The following UGP2 variants were observed in gnomAD, a reference collection of about 807,000 sequenced individuals.
The protein encoded by UGP2 is UTP--glucose-1-phosphate uridylyltransferase.
UGP2 carries 40 observed loss-of-function variants against 49.0 expected under a neutral mutation model. That is an observed-to-expected ratio of 0.82 (90% CI 0.63 to 1.06). UGP2 has a LOEUF of 1.06. Ranked by LOEUF, UGP2 falls within the 50% of genes least tolerant of loss-of-function variation. The pLI is 0.00. For missense variants in UGP2, 460 were observed against 603.5 expected (o/e 0.76, Z 2.49); for synonymous variants, 225 against 213.0 (o/e 1.06, Z -0.49).
chr2:63,890,408 G>A (rs920912398), intron 9 of UGP2, among the ~76,000 whole-genome samples: 3 of 152,098 alleles, frequency 2.0e-5, no homozygotes, highest in Non-Finnish European at 2.9e-5. Flanking sequence ...ATGACAATTT[G>A]TACTGAATAT....
intron 1 of UGP2, among the ~76,000 whole-genome samples, chr2:63,852,049 T>C (rs1453255242): frequency 6.6e-6 from 1 of 152,224 alleles, no homozygotes; most frequent in Non-Finnish European, 1.5e-5. Flanking sequence ...TATGGCTTAC[T>C]GGCCAGAATC....
chr2:63,880,244 G>GCTTACTTGAGC (rs1362067284), intron 3 of UGP2, among the ~76,000 whole-genome samples: 3 of 137,794 alleles, frequency 2.2e-5, no homozygotes, highest in African/African-American at 8.1e-5. Flanking sequence ...CATGATCACA[G>GCTTACTTGAGC]CTTACTTGAG....
At chr2:63,841,449 G>C (rs1575789375), upstream of UGP2, among the ~76,000 whole-genome samples, 1 of 152,140 alleles carries the variant, frequency 6.6e-6, no homozygotes, top group African/African-American at 2.4e-5. Flanking sequence ...CCTCTAGCCG[G>C]TGACCCCTTA....
intron 3 of UGP2, among the ~76,000 whole-genome samples, chr2:63,863,633 G>A (rs1210784180): frequency 1.3e-5 from 2 of 152,124 alleles, no homozygotes; most frequent in African/African-American, 4.8e-5. Flanking sequence ...AGAATAGTTT[G>A]ATTTACAAAA....
Position 63,841,933 on chromosome 2 carries a change from C to G in UGP2, c.-253C>G, listed in dbSNP as rs1671574869. The G allele has an allele frequency of 2.3e-6, 1 of 440,304 alleles. No homozygotes were observed. Among genetic ancestry groups the G allele is most frequent in the African/African-American group, 2.0e-5 (1 of 49,474 alleles). The allele number at this position is 440,304 out of a possible 1,614,324, so 27.3% of individuals were successfully genotyped here. ...CTGGCCCTCATTTGTGTCCGGAGCT[C>G]AGGAGTTCCCAAACCGACTCAGTCG... On this transcript the variant is annotated 5_prime_UTR_variant, in exon 1 of 10. Coordinates refer to ENST00000337130, the MANE Select transcript of UGP2 (RefSeq NM_006759.4).
intron 3 of UGP2, among the ~76,000 whole-genome samples, chr2:63,879,465 A>G (rs1671145914): frequency 6.6e-6 from 1 of 152,232 alleles, no homozygotes; most frequent in South Asian, 2.1e-4. Flanking sequence ...TCTATTTGAA[A>G]TAGAATATTC....
intron 3 of UGP2, among the ~76,000 whole-genome samples, chr2:63,860,172 A>C (rs1669737645): frequency 6.6e-6 from 1 of 152,234 alleles, no homozygotes; most frequent in African/African-American, 2.4e-5. Context: ...ATTCCTAAGT[A>C]AAAAGAAATT....
intron 8 of UGP2, chr2:63,889,602 T>C (rs1015711556): frequency 6.5e-6 from 1 of 152,964 alleles, no homozygotes; most frequent in Non-Finnish European, 1.5e-5. Flanking sequence ...CAATCTCTAG[T>C]GCTTGTAAAT....
Position 63,857,328 on chromosome 2 carries a change from G to A in UGP2, c.148-501G>A, listed in dbSNP as rs76150094. On this transcript the variant is annotated intron_variant, in intron 2 of 9. Coordinates refer to ENST00000337130, the MANE Select transcript of UGP2 (RefSeq NM_006759.4). ...AAAAAAAAAAAAAAGTACAGAGCCA[G>A]TTGGAATTCCCATTAAACAAATGGT... Among the ~76,000 whole-genome samples, 51 of 151,648 alleles carry A rather than the reference G, an allele frequency of 3.4e-4. No homozygotes were observed. The East Asian group carries it at 9.3e-3, about 28-fold the overall frequency.
intron 3 of UGP2, among the ~76,000 whole-genome samples, chr2:63,865,323 C>G (rs1337499126): frequency 6.6e-6 from 1 of 152,148 alleles, no homozygotes; most frequent in African/African-American, 2.4e-5. Context: ...GCCCAGCTGC[C>G]TAGAGGGCTG....
At chr2:63,862,879 A>G in intron 3 of UGP2, 1 of 456,386 alleles carries the variant, frequency 2.2e-6, no homozygotes, top group Non-Finnish European at 4.4e-6. Context: ...TGATTTTAGT[A>G]AAGAGTCCTT....
intron 3 of UGP2, among the ~76,000 whole-genome samples, chr2:63,878,189 C>A: frequency 6.6e-6 from 1 of 152,044 alleles, no homozygotes; most frequent in Non-Finnish European, 1.5e-5. Context: ...GTATTAAGTG[C>A]TGTTCCATCT....
rs1669933967 is a variant in UGP2, at chr2:63,862,723, G to A, written c.255+4787G>A. On this transcript the variant is annotated intron_variant, in intron 3 of 9. Coordinates refer to ENST00000337130, the MANE Select transcript of UGP2 (RefSeq NM_006759.4). Reference sequence around the variant, plus strand: ...TTAGGAAAATCAGAGTGTGGGTTTAGGTGGTAATACTACTATTTGAACATT... The same window carrying A: ...TTAGGAAAATCAGAGTGTGGGTTTAAGTGGTAATACTACTATTTGAACATT... 3 of 437,872 alleles carry A rather than the reference G, an allele frequency of 6.9e-6. No individual in the cohort carries two copies. In the Admixed American group the frequency reaches 7.4e-5, roughly 11 times the overall value. 27.1% of individuals were successfully genotyped at this position (437,872 alleles called of 1,614,324 possible). A position where few individuals can be genotyped will look rare whatever the true frequency, so the allele number is the denominator to read the frequency against.
intron 1 of UGP2, among the ~76,000 whole-genome samples, chr2:63,849,543 T>C (rs1268345133): frequency 6.6e-6 from 1 of 152,238 alleles, no homozygotes; most frequent in Non-Finnish European, 1.5e-5. Context: ...TTTCATTGCT[T>C]AGACAACACA....
intron 8 of UGP2, 102 bp from the exon 9 acceptor site, chr2:63,889,979 A>C: frequency 1.1e-6 from 1 of 888,704 alleles, no homozygotes; most frequent in Non-Finnish European, 1.8e-6. Context: ...AGCTTTGCCA[A>C]AAAAGGTTTC....
At chr2:63,851,717 TC>T (rs1669053154) in intron 1 of UGP2, among the ~76,000 whole-genome samples, 1 of 152,230 alleles carries the variant, frequency 6.6e-6, no homozygotes, top group South Asian at 2.1e-4. Flanking sequence ...GCTTTTAACT[TC>T]ATGGAGTAGA....
intron 3 of UGP2, among the ~76,000 whole-genome samples, chr2:63,880,163 C>T (rs1009028948): frequency 6.7e-6 from 1 of 149,104 alleles, no homozygotes; most frequent in Non-Finnish European, 1.5e-5. Context: ...TCCCCTTCCC[C>T]CTTCCCCCTA....
chr2:63,863,766 G>A (rs1448981493), intron 3 of UGP2, among the ~76,000 whole-genome samples: 1 of 152,126 alleles, frequency 6.6e-6, no homozygotes, highest in Admixed American at 6.5e-5. Flanking sequence ...ATAACTAAGA[G>A]TACTGATGGA....
chr2:63,850,355 TGA>T (rs1312613336), intron 1 of UGP2, among the ~76,000 whole-genome samples: 1 of 152,218 alleles, frequency 6.6e-6, no homozygotes, highest in Non-Finnish European at 1.5e-5. Context: ...AATGTAAAGC[TGA>T]GTCATCTAAA....
Sources: gnomAD v4.1 joint callset for allele counts (sites outside exome capture counted in the v4.1 genomes callset) on GRCh38, gnomAD v4.1.1 for gene constraint, MANE v1.5 for transcripts, NCBI Gene and HGNC (gene_info 2026-07-23, HGNC 2026-07-21) for gene names.